INTS13: variants seen among roughly 807,000 people sequenced by gnomAD.
The protein encoded by INTS13 is integrator complex subunit 13.
A neutral mutation model predicts 90.2 loss-of-function variants in INTS13; 35 were observed. The observed-to-expected ratio is 0.39, with a 90% CI of 0.30 to 0.51. The LOEUF (loss-of-function observed/expected upper bound fraction) is 0.51. Ranked by LOEUF, INTS13 falls within the 20% of genes least tolerant of loss-of-function variation. The pLI, the probability that INTS13 is intolerant of heterozygous loss-of-function variation, is 0.80. For synonymous variants in INTS13, 309 were observed against 277.1 expected (o/e 1.11, Z -1.14); for missense variants, 601 against 851.2 (o/e 0.71, Z 3.66).
intron 15 of INTS13, among the ~76,000 whole-genome samples, chr12:26,908,989 T>G (rs1951691823): frequency 6.6e-6 from 1 of 152,238 alleles, no homozygotes; most frequent in African/African-American, 2.4e-5. Flanking sequence ...GAGATCACAG[T>G]ACATATGTTT....
rs779972672 is a variant in INTS13 at position 26,913,992 on chromosome 12, C to T, written c.1556G>A (p.Arg519Lys). The T allele has an allele frequency of 2.5e-6, 4 of 1,608,316 alleles. No homozygotes were observed. The highest frequency in any genetic ancestry group is 3.4e-6 in the Non-Finnish European group (4 of 1,178,608). The stretch of plus-strand genomic sequence containing the variant: ...AATGTACCTTTTAGGGCCCTTTCCT[C>T]TTGTACCAACTGTGGAAATAGGTAG... ...DPLPISTVGT[R>K]GKGPKRDEQY... The change falls in exon 13 of 17, where the codon AGA (arginine) becomes AAA (lysine). Residue 519 changes from arginine to lysine, a missense_variant. Physicochemically the swap from Arg to Lys is conservative, Grantham distance 26. Transcript: ENST00000261191.
Position 26,924,329 on chromosome 12 carries a change from A to G in INTS13, c.804+26T>C, listed in dbSNP as rs199905432. ...TTTAAAAAGCAAAGCAGTGCTTTCAAAATAGCAGGAAAAAGAACTGCCTAC... is the reference window on the plus strand; with the variant it reads ...TTTAAAAAGCAAAGCAGTGCTTTCAGAATAGCAGGAAAAAGAACTGCCTAC... On this transcript the variant is annotated intron_variant, in intron 7 of 16. Transcript: ENST00000261191. 1,401 of 1,608,248 alleles carry G rather than the reference A, an allele frequency of 8.7e-4. 6 individuals are homozygous for G. The highest frequency in any genetic ancestry group is 7.1e-4 in the Non-Finnish European group (838 of 1,176,820).
chr12:26,916,229 T>C, intron 10 of INTS13, 49 bp from the exon 11 acceptor site: 1 of 1,414,480 alleles, frequency 7.1e-7, no homozygotes, highest in Non-Finnish European at 9.5e-7. Flanking sequence ...AAATGGGCTC[T>C]CATTTATTTC....
intron 6 of INTS13, 100 bp downstream of exon 6, chr12:26,925,659 TTG>T: frequency 1.0e-6 from 1 of 987,006 alleles, no homozygotes; most frequent in Non-Finnish European, 1.5e-6. Context: ...AAATATTTTC[TTG>T]GCAGAAAATA....
rs1477574388 is a variant in INTS13, at chr12:26,936,566, A to C, written c.225+13T>G. 1 of 1,570,754 alleles carries C rather than the reference A, an allele frequency of 6.4e-7. No individual in the cohort carries two copies. The highest frequency in any genetic ancestry group is 8.8e-7 in the Non-Finnish European group (1 of 1,141,508). On this transcript the variant is annotated intron_variant, in intron 2 of 16. Transcript: ENST00000261191. The stretch of plus-strand genomic sequence containing the variant: ...TCCCCAAAATCATGATTTTGTTTGT[A>C]CTTCACACTCACCAGCTTTTTGAAA...
In INTS13 at chr12:26,911,284, T is replaced by G; in HGVS notation, c.1839A>C (p.Glu613Asp). Reference protein sequence around the residue: ...LKGILERGKEELAEAEIIKDS... With the variant: ...LKGILERGKEDLAEAEIIKDS... ...CTTTTATAATCTCAGCTTCAGCCAA[T>G]TCTTCTTTTCCACGCTCTAAGATTC... The change falls in exon 15 of 17, where the codon GAA (glutamate) becomes GAC (aspartate). Residue 613 changes from glutamate to aspartate, a missense_variant. Glu to Asp is a conservative substitution (Grantham distance 45). Transcript: ENST00000261191. The G allele has an allele frequency of 6.2e-7, 1 of 1,613,502 alleles. No individual in the cohort carries two copies. Among genetic ancestry groups the G allele is most frequent in the Non-Finnish European group, 8.5e-7 (1 of 1,179,714 alleles).
chr12:26,912,979 C>T (rs933378495), intron 14 of INTS13, among the ~76,000 whole-genome samples: 1 of 152,164 alleles, frequency 6.6e-6, no homozygotes, highest in African/African-American at 2.4e-5. Flanking sequence ...GATCCACCCG[C>T]CTCGGCCTCC....
chr12:26,922,869 T>TA (rs1565828386), intron 7 of INTS13, among the ~76,000 whole-genome samples, 169 bp from the exon 8 acceptor site: 1 of 152,156 alleles, frequency 6.6e-6, no homozygotes, highest in African/African-American at 2.4e-5. Context: ...CCATGCAACA[T>TA]AAACTCCATT....
rs1440237396 is a variant in INTS13 at position 26,917,799 on chromosome 12, T to C, written c.890-66A>G. The C allele has an allele frequency of 3.4e-6, 3 of 892,872 alleles. No individual in the cohort carries two copies. In the East Asian group the frequency reaches 9.4e-5, roughly 28 times the overall value. 55.3% of individuals were successfully genotyped at this position (892,872 alleles called of 1,614,324 possible). ...TATCAAAACATCACACTGTATCCCA[T>C]AAATATGTACAATTATGTTTTAATT... On this transcript the variant is annotated intron_variant, in intron 8 of 16. Coordinates refer to ENST00000261191, the MANE Select transcript of INTS13 (RefSeq NM_018164.3).
Position 26,928,225 on chromosome 12 carries a change from C to T in INTS13, c.564G>A (p.Lys188=), listed in dbSNP as rs1253774094. ...CTCACTGATCTGAATTTGCAGCAAG[C>T]TTGTTATGTTCATGAATCGTTTCCT... The part of the protein sequence containing the change: ...CVQETIHEHN[K]LAANSDHLMQ... The change falls in exon 5 of 17, where the codon AAG becomes AAA. Residue 188 remains lysine, a synonymous_variant. Transcript: ENST00000261191. The T allele has an allele frequency of 6.2e-7, 1 of 1,607,432 alleles. No homozygotes were observed. The highest frequency in any genetic ancestry group is 8.5e-7 in the Non-Finnish European group (1 of 1,175,114).
At chr12:26,921,501 C>T (rs1208000600) in intron 8 of INTS13, among the ~76,000 whole-genome samples, 2 of 152,172 alleles carry the variant, frequency 1.3e-5, no homozygotes, top group African/African-American at 2.4e-5. Flanking sequence ...AGTTCCATTG[C>T]CATTAATAGG....
chr12:26,924,915 G>A (rs938495729), intron 6 of INTS13, among the ~76,000 whole-genome samples: 3 of 151,978 alleles, frequency 2.0e-5, no homozygotes, highest in South Asian at 2.1e-4. Flanking sequence ...TGTGGAAATC[G>A]CCACAAAAAT....
At chr12:26,928,982 C>T in intron 3 of INTS13, 77 bp from the exon 4 acceptor site, 1 of 1,290,114 alleles carries the variant, frequency 7.8e-7, no homozygotes, top group Non-Finnish European at 1.1e-6. Flanking sequence ...AAGAAAACTA[C>T]ACACCAATGT....
rs759671518 is a variant in INTS13, at chr12:26,924,403, C to T, written c.756G>A (p.Gln252=). 2 of 1,613,134 alleles carry T rather than the reference C, an allele frequency of 1.2e-6. No homozygotes were observed. The highest frequency in any genetic ancestry group is 8.5e-7 in the Non-Finnish European group (1 of 1,179,404). ...HLATKLNILV[Q]QHFDLASTTI... ...TAGTTGAAGCCAAGTCAAAATGTTG[C>T]TGTACTAAAATATTCAATTTGGTAG... Residue 252 remains glutamine (Q), a synonymous_variant, in exon 7 of 17, where the codon CAG becomes CAA. Coordinates refer to ENST00000261191, the MANE Select transcript of INTS13 (RefSeq NM_018164.3).
At chr12:26,920,553 C>T (rs1240333637) in intron 8 of INTS13, among the ~76,000 whole-genome samples, 2 of 152,034 alleles carry the variant, frequency 1.3e-5, no homozygotes, top group African/African-American at 4.8e-5. Flanking sequence ...CGCACGCCAC[C>T]ATGCCCGGCT....
chr12:26,918,951 T>C, intron 8 of INTS13: 1 of 212,064 alleles, frequency 4.7e-6, no homozygotes. Flanking sequence ...GGAGGATTGC[T>C]AGGAGGTCAG....
chr12:26,912,196 G>T (rs1035097270), intron 14 of INTS13, among the ~76,000 whole-genome samples: 1 of 152,136 alleles, frequency 6.6e-6, no homozygotes, highest in Non-Finnish European at 1.5e-5. Flanking sequence ...AGCACTTTGG[G>T]AGACCAAGAT....
At chr12:26,928,569 GAAA>G in intron 4 of INTS13, 131 bp downstream of exon 4, 1 of 775,958 alleles carries the variant, frequency 1.3e-6, no homozygotes, top group Non-Finnish European at 1.9e-6. Context: ...AAAAAAAAAA[GAAA>G]AAAATCAGAA....
chr12:26,923,653 T>G (rs1021712568), intron 7 of INTS13, among the ~76,000 whole-genome samples: 1 of 152,128 alleles, frequency 6.6e-6, no homozygotes, highest in East Asian at 1.9e-4. Flanking sequence ...ATAATGAAAA[T>G]GAACAGCTAG....
Sources: allele counts gnomAD v4.1 joint callset (sites outside exome capture counted in the v4.1 genomes callset), GRCh38; gene constraint gnomAD v4.1.1; transcripts MANE v1.5; gene names NCBI Gene and HGNC (gene_info 2026-07-23, HGNC 2026-07-21).